The following GON4L variants were observed in gnomAD, a reference collection of about 807,000 sequenced individuals.
GON4L encodes GON-4-like protein.
GON4L carries 87 observed loss-of-function variants against 211.8 expected under a neutral mutation model. The observed-to-expected ratio is 0.41, with a 90% CI of 0.35 to 0.49. The LOEUF (loss-of-function observed/expected upper bound fraction) is 0.49, where lower values mean the gene tolerates loss of function less well. Ranked by LOEUF, GON4L falls within the 20% of genes least tolerant of loss-of-function variation. GON4L has a pLI of 0.15. For synonymous variants in GON4L, 875 were observed against 962.6 expected (o/e 0.91, Z 1.68); for missense variants, 2,155 against 2,659.5 (o/e 0.81, Z 4.17).
chr1:155,845,244 C>T (rs1671123534), intron 2 of GON4L: 1 of 167,098 alleles, frequency 6.0e-6, no homozygotes, highest in Non-Finnish European at 1.3e-5. Flanking sequence ...CCAGTTACAA[C>T]CAAGATGGCA....
chr1:155,751,589 A>G (rs1388104369), intron 31 of GON4L, among the ~76,000 whole-genome samples, 178 bp downstream of exon 31: 1 of 152,160 alleles, frequency 6.6e-6, no homozygotes, highest in African/African-American at 2.4e-5. Flanking sequence ...CTCAAAATCT[A>G]GTGTCCTTTC....
chr1:155,806,753 T>C (rs1215000449), intron 10 of GON4L, among the ~76,000 whole-genome samples: 2 of 152,148 alleles, frequency 1.3e-5, no homozygotes, highest in Non-Finnish European at 2.9e-5. Flanking sequence ...ACCACTTTTG[T>C]TTATCCAATT....
chr1:155,854,212 C>T (rs540437731), intron 1 of GON4L, among the ~76,000 whole-genome samples: 20 of 152,258 alleles, frequency 1.3e-4, no homozygotes, highest in Middle Eastern at 3.4e-3. Context: ...AGTACAGTGG[C>T]GCAATCTCGG....
rs781296583 is a variant in GON4L, at chr1:155,762,275, A to G, written c.4826T>C (p.Leu1609Pro). The G allele has an allele frequency of 8.1e-6, 13 of 1,613,274 alleles. No homozygotes were observed. Among genetic ancestry groups the G allele is most frequent in the Non-Finnish European group, 1.1e-5 (13 of 1,179,646 alleles). Reference sequence around the variant, plus strand: ...GAGAATGTCCTCATCATACAGCAACAGCAGCTTGGAGGTGTCCTTGCTGGC... The same window carrying G: ...GAGAATGTCCTCATCATACAGCAACGGCAGCTTGGAGGTGTCCTTGCTGGC... ...ARASKDTSKL[L>P]LLYDEDILER... Residue 1609 changes from leucine to proline, a missense_variant, in exon 23 of 32, where the codon CTG (leucine) becomes CCG (proline). By Grantham distance (98) the Leu-to-Pro change is moderately conservative. This residue lies in a region of GON4L where 455 missense variants were observed against 504.6 expected (regional missense o/e 0.90). Transcript: ENST00000368331.
rs1169219938 is a variant in GON4L at position 155,752,222 on chromosome 1, G to A, written c.6211C>T (p.Pro2071Ser). ...DAGRRHVSGK[P>S]DTQERWLPSS... ...GGCAGCCATCTCTCTTGAGTGTCTG[G>A]TTTCCCGGACACATGTCTTCTCCCT... Residue 2071 changes from proline (P) to serine (S), a missense_variant, in exon 30 of 32, where the codon CCA becomes TCA. Transcript: ENST00000368331. 5 of 1,613,282 alleles carry A rather than the reference G, an allele frequency of 3.1e-6. No individual in the cohort carries two copies. The highest frequency in any genetic ancestry group is 4.2e-6 in the Non-Finnish European group (5 of 1,179,606).
At chr1:155,745,579 C>A (rs930480835), downstream of GON4L, among the ~76,000 whole-genome samples, 1 of 152,252 alleles carries the variant, frequency 6.6e-6, no homozygotes, top group African/African-American at 2.4e-5. Context: ...CACCCCGCTC[C>A]AGCGTGGAGC....
Position 155,853,658 on chromosome 1 carries a change from G to C in GON4L, c.123C>G (p.Asp41Glu). 1 of 1,613,954 alleles carries C rather than the reference G, an allele frequency of 6.2e-7. No individual in the cohort carries two copies. The highest frequency in any genetic ancestry group is 8.5e-7 in the Non-Finnish European group (1 of 1,179,802). ...CCCAGGATAGTGACACCGAACTCAA[G>C]TCCTTAACCTGGTCAGATTCTGGTT... ...AVKPESDQVK[D>E]LSSVSLSWDP... The change falls in exon 2 of 32, where the codon GAC becomes GAG. Residue 41 changes from aspartate (D) to glutamate (E), a missense_variant. Physicochemically the swap from Asp to Glu is conservative, Grantham distance 45. Transcript: ENST00000368331.
intron 2 of GON4L, among the ~76,000 whole-genome samples, chr1:155,834,628 G>T (rs1670120607): frequency 6.6e-6 from 1 of 152,126 alleles, no homozygotes. Context: ...CCAGCTAAAA[G>T]CAAGATGGTG....
At chr1:155,783,063 C>A (rs994645015) in intron 14 of GON4L, among the ~76,000 whole-genome samples, 1 of 152,180 alleles carries the variant, frequency 6.6e-6, no homozygotes, top group Non-Finnish European at 1.5e-5. Flanking sequence ...TGGTTCCATT[C>A]TGCTATAACA....
At chr1:155,762,981 A>C (rs958647301) in intron 22 of GON4L, among the ~76,000 whole-genome samples, 1 of 152,090 alleles carries the variant, frequency 6.6e-6, no homozygotes, top group Admixed American at 6.6e-5. Context: ...GGTTGCAGTG[A>C]GCCAAGATCG....
intron 3 of GON4L, among the ~76,000 whole-genome samples, chr1:155,826,076 G>GA (rs1369868628): frequency 6.6e-6 from 1 of 151,966 alleles, no homozygotes; most frequent in African/African-American, 2.4e-5. Flanking sequence ...AGCTGGCTGT[G>GA]ACGGCACGCG....
At chr1:155,826,811 T>C (rs757139611) in intron 3 of GON4L, 26 bp downstream of exon 3, 3 of 1,462,650 alleles carry the variant, frequency 2.1e-6, no homozygotes, top group Non-Finnish European at 2.9e-6. Context: ...AGGTTTCATT[T>C]AATTAAAAAG....
chr1:155,808,723 C>T (rs1434786203), intron 10 of GON4L, among the ~76,000 whole-genome samples: 2 of 151,878 alleles, frequency 1.3e-5, no homozygotes, highest in Non-Finnish European at 2.9e-5. Context: ...ATCTCCTAGG[C>T]TCAGCCTCCC....
At chr1:155,819,173 C>T (rs975995388) in intron 6 of GON4L, among the ~76,000 whole-genome samples, 4 of 151,646 alleles carry the variant, frequency 2.6e-5, no homozygotes, top group East Asian at 3.9e-4. Flanking sequence ...CATGGTGGCA[C>T]GCACCTGTAA....
intron 2 of GON4L, among the ~76,000 whole-genome samples, chr1:155,851,682 C>A (rs1406280853): frequency 1.3e-5 from 2 of 151,640 alleles, no homozygotes; most frequent in Non-Finnish European, 2.9e-5. Flanking sequence ...CGCCACTGTA[C>A]TCCAGCCTGG....
intron 18 of GON4L, among the ~76,000 whole-genome samples, chr1:155,772,492 C>T (rs1474705384): frequency 1.3e-5 from 2 of 151,380 alleles, no homozygotes; most frequent in Non-Finnish European, 3.0e-5. Context: ...GTGGCTCATG[C>T]CTGTAATCCC....
rs372043132 is a variant in GON4L at position 155,756,975 on chromosome 1, C to T, written c.5500G>A (p.Val1834Ile). The change falls in exon 27 of 32, where the codon GTC (valine) becomes ATC (isoleucine). Residue 1834 changes from valine to isoleucine, a missense_variant. Physicochemically the swap from Val to Ile is conservative, Grantham distance 29. Coordinates refer to ENST00000368331, the MANE Select transcript of GON4L (RefSeq NM_001282860.2). ...SKNKRKKEIG[V>I]QNHDKETEWP... ...GAAAATACCTTATCATGATTTTGGA[C>T]CCCGATCTCTTTTTTCCTCTTGTTC... is the stretch of plus-strand genomic sequence containing the variant. 82 of 1,612,672 alleles carry T rather than the reference C, an allele frequency of 5.1e-5. No homozygotes were observed. The highest frequency in any genetic ancestry group is 6.8e-5 in the Non-Finnish European group (80 of 1,178,820).
At position 155,753,403 on chromosome 1, in the gene GON4L, G is replaced by A. The variant is rs1660821594; in HGVS notation, c.5643C>T (p.Ser1881=). 1.2e-6 allele frequency: 2 copies of A among 1,613,026 alleles called. No individual in the cohort carries two copies. Among genetic ancestry groups the A allele is most frequent in the African/African-American group, 2.7e-5 (2 of 74,860 alleles). ...CSHCSSKVCD[S]KSYKSKEPHE... ...GGGGCTCCTTGCTCTTGTAGGATTT[G>A]CTGTCACAGACCTGCAGGGATGGTC... Residue 1881 remains serine (S), a synonymous_variant, in exon 29 of 32, where the codon AGC becomes AGT. Transcript: ENST00000368331.
chr1:155,745,481 G>C (rs1232952977), downstream of GON4L, among the ~76,000 whole-genome samples: 2 of 152,250 alleles, frequency 1.3e-5, no homozygotes, highest in Admixed American at 1.3e-4. Context: ...AGATCTGTAA[G>C]AAGAGATAAG....
Sources: gnomAD v4.1 joint callset for allele counts (sites outside exome capture counted in the v4.1 genomes callset) on GRCh38, gnomAD v4.1.1 for gene constraint, gnomAD v4.1.1 regional missense constraint, MANE v1.5 for transcripts, NCBI Gene and HGNC (gene_info 2026-07-23, HGNC 2026-07-21) for gene names.